The following ZNF521 variants were observed in gnomAD, a reference collection of about 807,000 sequenced individuals.
ZNF521 encodes zinc finger protein 521.
A neutral mutation model predicts 105.5 loss-of-function variants in ZNF521; 14 were observed. The ratio of observed to expected loss-of-function variants is 0.13; its 90% CI spans 0.09 to 0.21. The LOEUF is 0.21. Ranked by LOEUF, ZNF521 falls within the 10% of genes least tolerant of loss-of-function variation. The probability of loss-of-function intolerance (pLI) is 1.00; values close to 1 mark genes in which losing one functional copy is unlikely to be tolerated. For synonymous variants in ZNF521, 635 were observed against 606.0 expected (o/e 1.05, Z -0.70); for missense variants, 1,233 against 1,629.7 (o/e 0.76, Z 4.19).
intron 5 of ZNF521, among the ~76,000 whole-genome samples, chr18:25,142,306 G>T (rs1185170970): frequency 6.6e-6 from 1 of 152,022 alleles, no homozygotes; most frequent in Non-Finnish European, 1.5e-5. Flanking sequence ...ATAGCACCTG[G>T]GTTATTCAGA....
chr18:25,100,858 A>G (rs1005717922), intron 5 of ZNF521, among the ~76,000 whole-genome samples: 1 of 152,146 alleles, frequency 6.6e-6, no homozygotes, highest in African/African-American at 2.4e-5. Context: ...ATAACCTTTA[A>G]ATTGCCTGAT....
intron 5 of ZNF521, among the ~76,000 whole-genome samples, chr18:25,165,817 G>C (rs1354125554): frequency 2.6e-5 from 4 of 152,192 alleles, no homozygotes; most frequent in Non-Finnish European, 5.9e-5. Flanking sequence ...ATCATGACCA[G>C]CTTTTAAAAG....
chr18:25,149,645 T>C (rs952550514), intron 5 of ZNF521, among the ~76,000 whole-genome samples: 1 of 152,190 alleles, frequency 6.6e-6, no homozygotes, highest in African/African-American at 2.4e-5. Flanking sequence ...AGCACTCTCA[T>C]TGAGAATGCT....
At chr18:25,349,138 A>G (rs1477100427) in intron 2 of ZNF521, among the ~76,000 whole-genome samples, 3 of 152,002 alleles carry the variant, frequency 2.0e-5, no homozygotes, top group African/African-American at 7.3e-5. Flanking sequence ...TCCACCGGAC[A>G]GGCACTAACC....
chr18:25,124,194 TG>T (rs1335100618), intron 5 of ZNF521, among the ~76,000 whole-genome samples: 2 of 152,180 alleles, frequency 1.3e-5, no homozygotes, highest in African/African-American at 2.4e-5. Flanking sequence ...TATTTGTAAC[TG>T]GGTAAGTTTT....
intron 5 of ZNF521, among the ~76,000 whole-genome samples, chr18:25,139,948 C>A (rs957693771): frequency 6.6e-6 from 1 of 152,124 alleles, no homozygotes; most frequent in Non-Finnish European, 1.5e-5. Flanking sequence ...TACACGGAAA[C>A]AAGCCACTGT....
At position 25,298,347 on chromosome 18, in the gene ZNF521, C is replaced by T. The variant is rs571594581; in HGVS notation, c.220+23661G>A. Among the ~76,000 whole-genome samples, 4 of 152,298 alleles carry T rather than the reference C, an allele frequency of 2.6e-5. No homozygotes were observed. The East Asian group carries it at 7.7e-4, about 29-fold the overall frequency. On this transcript the variant is annotated intron_variant, in intron 3 of 7. Coordinates refer to ENST00000361524, the MANE Select transcript of ZNF521 (RefSeq NM_015461.3). ...AATCAGAATATCTCTCAGATATATA[C>T]TACCTGTATTTCGGCATGTGGACTG...
chr18:25,339,233 C>G (rs1382551720), intron 2 of ZNF521, among the ~76,000 whole-genome samples: 2 of 152,196 alleles, frequency 1.3e-5, no homozygotes, highest in African/African-American at 4.8e-5. Context: ...ACTGTTAGTT[C>G]CATGAAACCC....
intron 4 of ZNF521, among the ~76,000 whole-genome samples, chr18:25,217,877 T>C (rs996747848): frequency 2.0e-5 from 3 of 152,190 alleles, no homozygotes; most frequent in African/African-American, 7.2e-5. Flanking sequence ...AGAGTCAGGC[T>C]CATAGACGGC....
chr18:25,113,017 C>CTT (rs35844239), intron 5 of ZNF521, among the ~76,000 whole-genome samples: 66,016 of 147,662 alleles, frequency 0.45, 14,818 homozygotes, highest in South Asian at 0.57. Context: ...TGTGTCTAAC[C>CTT]TTTTTTTTTT....
chr18:25,184,985 G>A (rs1031025539), intron 5 of ZNF521, among the ~76,000 whole-genome samples: 4 of 152,074 alleles, frequency 2.6e-5, no homozygotes, highest in African/African-American at 7.2e-5. Context: ...GACCAGGGGC[G>A]GGAAACAGGC....
chr18:25,286,300 T>C (rs146855945), intron 3 of ZNF521, among the ~76,000 whole-genome samples: 3 of 152,190 alleles, frequency 2.0e-5, no homozygotes, highest in Non-Finnish European at 2.9e-5. Flanking sequence ...TCTGAAAAAC[T>C]GATGGGGCTC....
chr18:25,195,428 C>T (rs1258769674), intron 4 of ZNF521, among the ~76,000 whole-genome samples, 184 bp from the exon 5 acceptor site: 7 of 151,758 alleles, frequency 4.6e-5, no homozygotes. Flanking sequence ...GATCCCAACA[C>T]TATATTTTCA....
chr18:25,086,967 A>C (rs191867903), intron 7 of ZNF521, among the ~76,000 whole-genome samples: 21 of 152,320 alleles, frequency 1.4e-4, no homozygotes, highest in Admixed American at 1.3e-3. Flanking sequence ...CTATTTTCAC[A>C]ATAATATTAG....
At chr18:25,193,936 GA>G (rs1009545470) in intron 5 of ZNF521, among the ~76,000 whole-genome samples, 10 of 151,752 alleles carry the variant, frequency 6.6e-5, no homozygotes, top group African/African-American at 2.4e-4. Context: ...CCTATCATTT[GA>G]AAACTATAAA....
At chr18:25,138,832 T>G (rs1191490915) in intron 5 of ZNF521, among the ~76,000 whole-genome samples, 2 of 152,090 alleles carry the variant, frequency 1.3e-5, no homozygotes, top group Admixed American at 1.3e-4. Context: ...GAGCCTGGCC[T>G]TGTGATTCCC....
chr18:25,187,786 G>A (rs992369568), intron 5 of ZNF521, among the ~76,000 whole-genome samples: 1 of 152,150 alleles, frequency 6.6e-6, no homozygotes, highest in African/African-American at 2.4e-5. Context: ...ACAGAAGACA[G>A]CGAAGTAATG....
At chr18:25,250,499 TAA>T in intron 3 of ZNF521, among the ~76,000 whole-genome samples, 1 of 152,356 alleles carries the variant, frequency 6.6e-6, no homozygotes, top group Non-Finnish European at 1.5e-5. Context: ...TTTACTCCCA[TAA>T]GAATGACTGC....
chr18:25,176,532 T>C (rs1019007431), intron 5 of ZNF521, among the ~76,000 whole-genome samples: 1 of 152,220 alleles, frequency 6.6e-6, no homozygotes, highest in Non-Finnish European at 1.5e-5. Context: ...TATCAGTTAT[T>C]TTGTGCCTCC....
Sources: allele counts gnomAD v4.1 joint callset (sites outside exome capture counted in the v4.1 genomes callset), GRCh38; gene constraint gnomAD v4.1.1; transcripts MANE v1.5; gene names NCBI Gene and HGNC (gene_info 2026-07-23, HGNC 2026-07-21).